PTPRD: variants seen among roughly 807,000 people sequenced by gnomAD.
PTPRD encodes protein tyrosine phosphatase receptor type D.
Under a neutral mutation model 214.5 loss-of-function variants are expected in PTPRD, and 34 were observed. The observed-to-expected ratio is 0.16, with a 90% confidence interval of 0.12 to 0.21. PTPRD has a LOEUF of 0.21. Among genes scored for constraint, PTPRD ranks in the 10% least tolerant of loss-of-function variants. The pLI is 1.00. For missense variants in PTPRD, 2,545 were observed against 2,398.7 expected, an observed-to-expected ratio of 1.06 and a Z score of -1.27; for synonymous variants, 1,128 against 845.7, an observed-to-expected ratio of 1.33 and a Z score of -5.79.
intron 12 of PTPRD, among the ~76,000 whole-genome samples, chr9:8,692,851 C>T (rs1348036220): frequency 1.3e-5 from 2 of 152,188 alleles, no homozygotes; most frequent in East Asian, 1.9e-4. Flanking sequence ...TTACTGTCAA[C>T]TTAATCCACA....
chr9:8,523,000 C>T (rs1340980870), intron 19 of PTPRD, among the ~76,000 whole-genome samples: 28 of 152,028 alleles, frequency 1.8e-4, no homozygotes, highest in Non-Finnish European at 2.9e-5. Flanking sequence ...GAATGACAGT[C>T]ATAGGAGAAG....
intron 7 of PTPRD, among the ~76,000 whole-genome samples, chr9:9,719,091 G>C (rs1475675247): frequency 6.6e-6 from 1 of 152,098 alleles, no homozygotes; most frequent in African/African-American, 2.4e-5. Flanking sequence ...TTCCAGGCCT[G>C]TCCATGGCCA....
At chr9:8,979,072 T>C (rs1222451067) in intron 11 of PTPRD, among the ~76,000 whole-genome samples, 1 of 152,196 alleles carries the variant, frequency 6.6e-6, no homozygotes, top group African/African-American at 2.4e-5. Flanking sequence ...AATTCATTTC[T>C]TGTATGTTTC....
At chr9:9,629,614 C>G (rs1211000409) in intron 7 of PTPRD, among the ~76,000 whole-genome samples, 1 of 152,152 alleles carries the variant, frequency 6.6e-6, no homozygotes, top group Admixed American at 6.5e-5. Context: ...ACCAGAATTA[C>G]TGAGGAGTGA....
intron 5 of PTPRD, among the ~76,000 whole-genome samples, chr9:9,841,085 T>C (rs1225289110): frequency 6.6e-6 from 1 of 152,206 alleles, no homozygotes; most frequent in Admixed American, 6.5e-5. Flanking sequence ...AAAGTGTTTT[T>C]GTCTATTTTT....
chr9:9,488,563 A>G (rs367839172), intron 8 of PTPRD, among the ~76,000 whole-genome samples: 1 of 152,182 alleles, frequency 6.6e-6, no homozygotes, highest in African/African-American at 2.4e-5. Flanking sequence ...ATTTTTAACT[A>G]AATAAAAATA....
At chr9:10,581,202 T>C (rs1420568840) in intron 2 of PTPRD, among the ~76,000 whole-genome samples, 1 of 152,222 alleles carries the variant, frequency 6.6e-6, no homozygotes, top group African/African-American at 2.4e-5. Context: ...TAACGCTACC[T>C]GGTGCATATT....
chr9:9,091,576 C>T (rs1204441567), intron 10 of PTPRD, among the ~76,000 whole-genome samples: 2 of 152,108 alleles, frequency 1.3e-5, no homozygotes, highest in Non-Finnish European at 2.9e-5. Flanking sequence ...TAGTAATAAG[C>T]CTATTCAGCA....
intron 2 of PTPRD, among the ~76,000 whole-genome samples, chr9:10,370,972 CT>C (rs1233551230): frequency 3.3e-5 from 5 of 151,868 alleles, no homozygotes; most frequent in African/African-American, 1.2e-4. Context: ...GAAAATATGC[CT>C]CTTTTCAAAA....
chr9:8,408,330 G>T (rs914479619), intron 35 of PTPRD, among the ~76,000 whole-genome samples: 4 of 151,854 alleles, frequency 2.6e-5, no homozygotes, highest in Admixed American at 6.6e-5. Context: ...CCTTCTTTTG[G>T]GTCTGCTGCT....
intron 5 of PTPRD, among the ~76,000 whole-genome samples, chr9:9,894,173 C>A (rs1285582473): frequency 6.6e-6 from 1 of 152,054 alleles, no homozygotes; most frequent in African/African-American, 2.4e-5. Context: ...TAATATCTAT[C>A]ATTTCTCCCC....
chr9:8,844,465 G>A (rs1053460245), intron 11 of PTPRD, among the ~76,000 whole-genome samples: 1 of 151,916 alleles, frequency 6.6e-6, no homozygotes, highest in Middle Eastern at 3.4e-3. Flanking sequence ...TGAGCAGTTT[G>A]GTATACTTTT....
At chr9:9,968,339 C>A (rs12352379) in intron 4 of PTPRD, among the ~76,000 whole-genome samples, 22,671 of 152,156 alleles carry the variant, frequency 0.15, 1,805 homozygotes, top group African/African-American at 0.19. Context: ...CCTAAAACGT[C>A]ATTTTGCACT....
At chr9:8,502,342 T>C (rs1437831141) in intron 23 of PTPRD, among the ~76,000 whole-genome samples, 1 of 152,136 alleles carries the variant, frequency 6.6e-6, no homozygotes, top group Non-Finnish European at 1.5e-5. Context: ...TATTTCATAT[T>C]TGAATGTGTA....
intron 11 of PTPRD, among the ~76,000 whole-genome samples, chr9:8,833,686 TC>T (rs1195788510): frequency 3.9e-5 from 4 of 103,608 alleles, no homozygotes; most frequent in African/African-American, 1.8e-4. Context: ...GAAAACTCTC[TC>T]CTCTCTCTCT....
At chr9:8,468,756 G>A (rs1054960547) in intron 31 of PTPRD, among the ~76,000 whole-genome samples, 16 of 143,274 alleles carry the variant, frequency 1.1e-4, no homozygotes, top group African/African-American at 4.1e-4. Flanking sequence ...GCAGTATCAA[G>A]CTATAGATAA....
intron 10 of PTPRD, among the ~76,000 whole-genome samples, chr9:9,102,070 T>C (rs59754470): frequency 0.045 from 6,827 of 152,264 alleles, 268 homozygotes; most frequent in African/African-American, 0.11. Context: ...AGTGCTTCAT[T>C]GGTAAGCATA....
At chr9:10,368,652 T>C (rs1298083981) in intron 2 of PTPRD, among the ~76,000 whole-genome samples, 1 of 152,084 alleles carries the variant, frequency 6.6e-6, no homozygotes, top group Non-Finnish European at 1.5e-5. Flanking sequence ...AGGCTGTGAT[T>C]ACTAGATATT....
chr9:9,454,290 G>T (rs1410718439), intron 8 of PTPRD, among the ~76,000 whole-genome samples: 2 of 151,660 alleles, frequency 1.3e-5, no homozygotes, highest in African/African-American at 4.8e-5. Context: ...TCCCGGTTTG[G>T]CTCTTTTGAA....
Sources: gnomAD v4.1 joint callset for allele counts (sites outside exome capture counted in the v4.1 genomes callset) on GRCh38, gnomAD v4.1.1 for gene constraint, MANE v1.5 for transcripts, NCBI Gene and HGNC (gene_info 2026-07-23, HGNC 2026-07-21) for gene names.